Variants in CPNE8 observed in about 807,000 individuals in gnomAD.
CPNE8 encodes copine 8, also known as copine-8.
Under a neutral mutation model 81.5 loss-of-function variants are expected in CPNE8, and 45 were observed. The observed-to-expected ratio is 0.55, with a 90% CI of 0.44 to 0.71. The LOEUF is 0.71. Ranked by LOEUF, CPNE8 falls within the 30% of genes least tolerant of loss-of-function variation. CPNE8 has a pLI of 0.00. For missense variants in CPNE8, 594 were observed against 672.1 expected (o/e 0.88, Z 1.28); for synonymous variants, 252 against 226.3 (o/e 1.11, Z -1.02).
chr12:38,731,317 G>C lies in CPNE8; in HGVS notation c.723-959C>G, dbSNP rs574608365. Reference sequence around the variant, plus strand: ...GTTTTGCAAATGCAAGCTATTCCTTGCCATAAAACTGAATCGCTTAAAATC... The same window carrying C: ...GTTTTGCAAATGCAAGCTATTCCTTCCCATAAAACTGAATCGCTTAAAATC... On this transcript the variant is annotated intron_variant, in intron 10 of 19. Coordinates refer to ENST00000331366, the MANE Select transcript of CPNE8 (RefSeq NM_153634.3). 9.2e-5 allele frequency among the ~76,000 whole-genome samples: 14 copies of C among 151,978 alleles called. No homozygotes were observed. In the South Asian group the frequency reaches 2.9e-3, roughly 32 times the overall value.
At chr12:38,743,815 C>T (rs112869316) in intron 10 of CPNE8, among the ~76,000 whole-genome samples, 4 of 46,016 alleles carry the variant, frequency 8.7e-5, no homozygotes, top group Non-Finnish European at 5.6e-4. Context: ...ACTGGAGAAG[C>T]GTTGTGTCAG....
intron 7 of CPNE8, among the ~76,000 whole-genome samples, chr12:38,769,012 T>C (rs964679006): frequency 1.1e-4 from 16 of 152,212 alleles, no homozygotes; most frequent in Non-Finnish European, 1.5e-5. Flanking sequence ...AAACTTTTAA[T>C]TATTTCCTTT....
intron 6 of CPNE8, among the ~76,000 whole-genome samples, chr12:38,787,064 A>T (rs996647103): frequency 6.6e-6 from 1 of 152,202 alleles, no homozygotes; most frequent in Non-Finnish European, 1.5e-5. Context: ...CAGAATATCA[A>T]CAAAGCAACA....
At chr12:38,797,316 C>A (rs1364386093) in intron 6 of CPNE8, among the ~76,000 whole-genome samples, 1 of 152,166 alleles carries the variant, frequency 6.6e-6, no homozygotes, top group Non-Finnish European at 1.5e-5. Flanking sequence ...GGCAGACTGA[C>A]ACCTCACACG....
intron 6 of CPNE8, among the ~76,000 whole-genome samples, chr12:38,782,998 A>G (rs2136908512): frequency 6.6e-6 from 1 of 152,228 alleles, no homozygotes; most frequent in Admixed American, 6.5e-5. Flanking sequence ...CAACTTTTAC[A>G]TGCAGTTGAA....
chr12:38,815,820 T>C (rs1012879731), intron 6 of CPNE8, among the ~76,000 whole-genome samples: 10 of 152,156 alleles, frequency 6.6e-5, no homozygotes, highest in African/African-American at 2.4e-4. Flanking sequence ...TGGTAAGGAA[T>C]CATAAGGAGT....
chr12:38,751,356 C>T (rs886511299), intron 10 of CPNE8, among the ~76,000 whole-genome samples: 6 of 151,872 alleles, frequency 4.0e-5, no homozygotes, highest in African/African-American at 1.5e-4. Context: ...AGTCTCTGCC[C>T]CTTTGTTATT....
intron 18 of CPNE8, among the ~76,000 whole-genome samples, chr12:38,673,317 C>T (rs1187737711): frequency 6.6e-6 from 1 of 152,072 alleles, no homozygotes; most frequent in African/African-American, 2.4e-5. Flanking sequence ...AGTGTGAAAA[C>T]AGACTAATAC....
intron 6 of CPNE8, among the ~76,000 whole-genome samples, chr12:38,790,377 G>T (rs984738402): frequency 6.6e-6 from 1 of 151,712 alleles, no homozygotes; most frequent in African/African-American, 2.4e-5. Context: ...TTATTTGCGG[G>T]ATCTAAAAAT....
chr12:38,796,326 G>A (rs1942471971), intron 6 of CPNE8, among the ~76,000 whole-genome samples: 1 of 151,792 alleles, frequency 6.6e-6, no homozygotes, highest in Admixed American at 6.6e-5. Context: ...AACTCAAAAG[G>A]AAAAGACAAA....
chr12:38,890,538 C>T lies in CPNE8; in HGVS notation c.98+14899G>A, dbSNP rs530379566. Among the ~76,000 whole-genome samples, 4 of 152,186 alleles carry T rather than the reference C, an allele frequency of 2.6e-5. No homozygotes were observed. In the South Asian group the frequency reaches 6.2e-4, roughly 24 times the overall value. ...TTGACTTTTCTAAAATTTTATTTTA[C>T]ATTGTGTGGCACAAAATTTAAATTG... On this transcript the variant is annotated intron_variant, in intron 1 of 19. Transcript: ENST00000331366.
intron 6 of CPNE8, among the ~76,000 whole-genome samples, chr12:38,822,203 TG>T (rs1169180669): frequency 6.6e-6 from 1 of 152,230 alleles, no homozygotes; most frequent in Non-Finnish European, 1.5e-5. Flanking sequence ...CATGTTAACA[TG>T]GGAAATTTGG....
chr12:38,749,636 A>G (rs539816519), intron 10 of CPNE8, among the ~76,000 whole-genome samples: 1 of 152,298 alleles, frequency 6.6e-6, no homozygotes, highest in East Asian at 1.9e-4. Flanking sequence ...TGTTTTAGCA[A>G]AGAGACTGGC....
intron 6 of CPNE8, among the ~76,000 whole-genome samples, chr12:38,777,472 T>A (rs1002161448): frequency 6.6e-6 from 1 of 152,142 alleles, no homozygotes; most frequent in Non-Finnish European, 1.5e-5. Context: ...AGAAAAATAG[T>A]TTTAAATAAA....
intron 6 of CPNE8, among the ~76,000 whole-genome samples, chr12:38,821,724 A>G (rs1353017622): frequency 1.3e-5 from 2 of 152,228 alleles, no homozygotes; most frequent in African/African-American, 2.4e-5. Context: ...CACTACTGGA[A>G]TATCTGAGTA....
intron 14 of CPNE8, among the ~76,000 whole-genome samples, chr12:38,698,579 T>C (rs1391510179): frequency 6.6e-6 from 1 of 152,206 alleles, no homozygotes; most frequent in Non-Finnish European, 1.5e-5. Flanking sequence ...TTAATTTTCG[T>C]ATGCGAGGGA....
intron 6 of CPNE8, among the ~76,000 whole-genome samples, chr12:38,803,005 G>C (rs1942717569): frequency 8.0e-6 from 1 of 124,686 alleles, no homozygotes; most frequent in Non-Finnish European, 1.7e-5. Context: ...TGAAATTGTG[G>C]CAATAATCAA....
Position 38,824,535 on chromosome 12 carries a change from T to A in CPNE8, c.407+4844A>T, listed in dbSNP as rs1943157953. ...AGAAGAAATTATTCTGAGTATCTTA[T>A]CAGAAAATAATTTAAGTTAGGCCAT... On this transcript the variant is annotated intron_variant, in intron 6 of 19. Coordinates refer to ENST00000331366, the MANE Select transcript of CPNE8 (RefSeq NM_153634.3). Among the ~76,000 whole-genome samples the A allele has an allele frequency of 2.7e-5, 4 of 150,604 alleles. No individual in the cohort carries two copies. In the South Asian group the frequency reaches 6.3e-4, roughly 24 times the overall value.
chr12:38,703,446 GGAACACTCCAC>G (rs1940003065), intron 13 of CPNE8, among the ~76,000 whole-genome samples: 1 of 152,010 alleles, frequency 6.6e-6, no homozygotes, highest in South Asian at 2.1e-4. Flanking sequence ...AGGCATTGAA[GGAACACTCCAC>G]GAAATAATAA....
Sources: gnomAD v4.1 joint callset for allele counts (sites outside exome capture counted in the v4.1 genomes callset) on GRCh38, gnomAD v4.1.1 for gene constraint, MANE v1.5 for transcripts, NCBI Gene and HGNC (gene_info 2026-07-23, HGNC 2026-07-21) for gene names.